The following CNTLN variants were observed in gnomAD, a reference collection of about 807,000 sequenced individuals.
The protein encoded by CNTLN is centlein, centrosomal protein.
In CNTLN, 212 loss-of-function variants were observed where a neutral mutation model predicts 180.0. That is an observed-to-expected ratio of 1.18 (90% confidence interval 1.05 to 1.32). The LOEUF is 1.32. Among genes scored for constraint, CNTLN ranks in the 40% most tolerant of loss-of-function variants. The pLI, the probability that CNTLN is intolerant of heterozygous loss-of-function variation, is 0.00. For missense variants in CNTLN, 2,095 were observed against 1,610.9 expected (o/e 1.30, Z -5.14); for synonymous variants, 722 against 563.1 (o/e 1.28, Z -3.99).
At chr9:17,367,841 G>A (rs116136555) in intron 13 of CNTLN, among the ~76,000 whole-genome samples, 2,149 of 148,564 alleles carry the variant, frequency 0.014, 53 homozygotes, top group African/African-American at 0.051. Context: ...ATAACCAGCA[G>A]CAATACCCAG....
intron 18 of CNTLN, among the ~76,000 whole-genome samples, chr9:17,432,512 G>A (rs891318587): frequency 6.6e-6 from 1 of 152,088 alleles, no homozygotes; most frequent in African/African-American, 2.4e-5. Context: ...GAAGATATAT[G>A]AGTTATGAAG....
chr9:17,179,738 C>G (rs1821002281), intron 2 of CNTLN, among the ~76,000 whole-genome samples: 1 of 152,086 alleles, frequency 6.6e-6, no homozygotes, highest in African/African-American at 2.4e-5. Flanking sequence ...CTGGCTAGTT[C>G]TATACATTGT....
At chr9:17,382,928 A>G (rs1025983638) in intron 13 of CNTLN, among the ~76,000 whole-genome samples, 5 of 152,126 alleles carry the variant, frequency 3.3e-5, no homozygotes, top group African/African-American at 1.2e-4. Flanking sequence ...AAAAATCAGC[A>G]AAATAAAACC....
chr9:17,179,044 ACCATCCCGG>A, intron 2 of CNTLN, among the ~76,000 whole-genome samples: 3 of 146,342 alleles, frequency 2.0e-5, no homozygotes, highest in African/African-American at 8.0e-5. Flanking sequence ...GGAGATCGAG[ACCATCCCGG>A]CTAAAACGGT....
intron 5 of CNTLN, among the ~76,000 whole-genome samples, chr9:17,260,343 G>GT (rs911926840): frequency 5.9e-5 from 9 of 151,310 alleles, no homozygotes; most frequent in Admixed American, 4.6e-4. Flanking sequence ...CTGAGAGATA[G>GT]TTTTTTATAA....
At chr9:17,434,366 A>C (rs1404823286) in intron 18 of CNTLN, among the ~76,000 whole-genome samples, 2 of 151,990 alleles carry the variant, frequency 1.3e-5, no homozygotes, top group Non-Finnish European at 2.9e-5. Context: ...TAGTGCTATA[A>C]ATTTCCCTTC....
intron 2 of CNTLN, among the ~76,000 whole-genome samples, chr9:17,164,442 ACTC>A (rs886832943): frequency 1.8e-4 from 26 of 143,788 alleles, no homozygotes; most frequent in African/African-American, 6.7e-4. Flanking sequence ...AATCTATAGA[ACTC>A]CTTATTTTTA....
chr9:17,402,331 G>A (rs529236526), intron 15 of CNTLN, among the ~76,000 whole-genome samples: 27 of 151,848 alleles, frequency 1.8e-4, no homozygotes, highest in African/African-American at 5.8e-4. Context: ...GACAGCCATC[G>A]ACAGCTGTAT....
At chr9:17,260,088 T>G (rs904884128) in intron 5 of CNTLN, among the ~76,000 whole-genome samples, 6 of 145,906 alleles carry the variant, frequency 4.1e-5, no homozygotes, top group Non-Finnish European at 5.9e-5. Flanking sequence ...TTTTGGATCT[T>G]TCCTGCTTTC....
At chr9:17,255,700 C>T (rs542791835) in intron 5 of CNTLN, among the ~76,000 whole-genome samples, 11 of 151,742 alleles carry the variant, frequency 7.2e-5, no homozygotes, top group African/African-American at 9.6e-5. Context: ...AAATACTCTC[C>T]GTACTTCAGT....
chr9:17,362,065 G>T (rs1823436754), intron 12 of CNTLN, among the ~76,000 whole-genome samples: 1 of 152,196 alleles, frequency 6.6e-6, no homozygotes, highest in Non-Finnish European at 1.5e-5. Flanking sequence ...GGTGGTCCCT[G>T]ATGTCTGTAA....
At chr9:17,319,284 G>T (rs1819747474) in intron 8 of CNTLN, among the ~76,000 whole-genome samples, 1 of 152,184 alleles carries the variant, frequency 6.6e-6, no homozygotes, top group Admixed American at 6.5e-5. Context: ...GGTGGGAGTA[G>T]TTATTATCCT....
In CNTLN at chr9:17,135,164, A is replaced by C. The variant is rs201309700; in HGVS notation, c.99A>C (p.Ala33=). The change falls in exon 1 of 26, where the codon GCA becomes GCC. Residue 33 remains alanine (A), a synonymous_variant. Transcript: ENST00000380647. ...TTGGGCGGGGAGCTGAAGTACACGC[A>C]ATGCGCAGCGAGGCCTCGGGTTTTG... The part of the protein sequence containing the change: ...PRVGRGAEVH[A]MRSEASGFAG... The C allele has an allele frequency of 6.2e-6, 10 of 1,609,686 alleles. No homozygotes were observed. Among genetic ancestry groups the C allele is most frequent in the Non-Finnish European group, 8.5e-6 (10 of 1,178,712 alleles).
chr9:17,518,117 G>A, the CNTLN span, among the ~76,000 whole-genome samples: 2 of 124,852 alleles, frequency 1.6e-5, no homozygotes, highest in Admixed American at 1.1e-4. Flanking sequence ...ATCTGATCTC[G>A]GCTCACCGCA....
intron 7 of CNTLN, among the ~76,000 whole-genome samples, chr9:17,306,324 T>A (rs765465442): frequency 6.6e-6 from 1 of 151,988 alleles, no homozygotes; most frequent in Admixed American, 6.6e-5. Flanking sequence ...TAATTTTGTA[T>A]TTTTAGTAGA....
chr9:17,452,642 T>C (rs1160545002), intron 18 of CNTLN, among the ~76,000 whole-genome samples: 1 of 152,202 alleles, frequency 6.6e-6, no homozygotes, highest in Non-Finnish European at 1.5e-5. Context: ...TTTTTCTTAC[T>C]GAAAACAGAG....
At chr9:17,153,635 G>C (rs555668120) in intron 2 of CNTLN, among the ~76,000 whole-genome samples, 2 of 152,044 alleles carry the variant, frequency 1.3e-5, no homozygotes, top group South Asian at 2.1e-4. Context: ...ATGTGTCTTG[G>C]GGTTGCTCTT....
chr9:17,463,924 C>T (rs532174731), intron 20 of CNTLN, among the ~76,000 whole-genome samples: 12 of 84,218 alleles, frequency 1.4e-4, no homozygotes, highest in Non-Finnish European at 2.4e-4. Context: ...TATTGTCATT[C>T]TTGTTTTAGT....
At chr9:17,392,591 A>G (rs1161126846) in intron 14 of CNTLN, among the ~76,000 whole-genome samples, 2 of 152,204 alleles carry the variant, frequency 1.3e-5, no homozygotes, top group African/African-American at 2.4e-5. Context: ...ATAGTTTGAG[A>G]CAAAATTTTT....
Sources: allele counts gnomAD v4.1 joint callset (sites outside exome capture counted in the v4.1 genomes callset), GRCh38; gene constraint gnomAD v4.1.1; transcripts MANE v1.5; gene names NCBI Gene and HGNC (gene_info 2026-07-23, HGNC 2026-07-21).